TP53BP2: variants seen among roughly 807,000 people sequenced by gnomAD.
The protein encoded by TP53BP2 is tumor protein p53 binding protein 2.
Under a neutral mutation model 126.2 loss-of-function variants are expected in TP53BP2, and 62 were observed. That is an observed-to-expected ratio of 0.49 (90% CI 0.40 to 0.61). The LOEUF is 0.61. Ranked by LOEUF, TP53BP2 falls within the 20% of genes least tolerant of loss-of-function variation. The probability of loss-of-function intolerance (pLI) is 0.00; values close to 1 mark genes in which losing one functional copy is unlikely to be tolerated. For missense variants in TP53BP2, 1,215 were observed against 1,402.8 expected, an observed-to-expected ratio of 0.87 and a Z score of 2.14; for synonymous variants, 485 against 502.9, an observed-to-expected ratio of 0.96 and a Z score of 0.48.
chr1:223,809,804 A>G (rs1312316939), intron 4 of TP53BP2, among the ~76,000 whole-genome samples: 1 of 152,148 alleles, frequency 6.6e-6, no homozygotes, highest in Non-Finnish European at 1.5e-5. Flanking sequence ...ATTCACATGC[A>G]ATAGCGAGAG....
intron 16 of TP53BP2, among the ~76,000 whole-genome samples, chr1:223,786,306 G>A (rs1390447459): frequency 6.6e-6 from 1 of 152,168 alleles, no homozygotes; most frequent in African/African-American, 2.4e-5. Flanking sequence ...CCACATCAGG[G>A]AGGGGCATCC....
In TP53BP2 at chr1:223,780,167, T is replaced by C. The variant is rs1661721213; in HGVS notation, c.*686A>G. 6.6e-6 allele frequency: 1 copy of C among 152,186 alleles called. No individual in the cohort carries two copies. The highest frequency in any genetic ancestry group is 6.5e-5 in the Admixed American group (1 of 15,280). 9.4% of individuals were successfully genotyped at this position (152,186 alleles called of 1,614,324 possible). On this transcript the variant is annotated 3_prime_UTR_variant, in exon 18 of 18. Coordinates refer to ENST00000343537, the MANE Select transcript of TP53BP2 (RefSeq NM_001031685.3). The stretch of plus-strand genomic sequence containing the variant: ...ATATTACGGGTAAGTCTGTAGCAAG[T>C]TTCTAATTTCTGAGATACAAAAGAC...
intron 17 of TP53BP2, among the ~76,000 whole-genome samples, chr1:223,781,599 AG>A (rs1661780402): frequency 6.6e-6 from 1 of 152,268 alleles, no homozygotes; most frequent in Non-Finnish European, 1.5e-5. Flanking sequence ...CAAAGAAAGT[AG>A]AAGCATAGGC....
rs1571866370 is a variant in TP53BP2 at position 223,821,164 on chromosome 1, A to G, written c.175+56T>C. 11 of 1,610,490 alleles carry G rather than the reference A, an allele frequency of 6.8e-6. No individual in the cohort carries two copies. In the East Asian group the frequency reaches 1.3e-4, roughly 20 times the overall value. ...CATTCACACAGTGCCACGTCTACAA[A>G]CCAACATTAATAGAAGACAGAAGAA... On this transcript the variant is annotated intron_variant, in intron 2 of 17. Coordinates refer to ENST00000343537, the MANE Select transcript of TP53BP2 (RefSeq NM_001031685.3).
At chr1:223,789,642 G>C (rs1222120) in intron 15 of TP53BP2, among the ~76,000 whole-genome samples, 5 of 151,966 alleles carry the variant, frequency 3.3e-5, no homozygotes, top group African/African-American at 1.2e-4. Flanking sequence ...AAGTTGCATA[G>C]ATGAACTACT....
chr1:223,837,094 G>C (rs1213982530), intron 1 of TP53BP2, among the ~76,000 whole-genome samples: 1 of 136,038 alleles, frequency 7.4e-6, no homozygotes, highest in Non-Finnish European at 1.5e-5. Context: ...GATTTTCCTA[G>C]GTCACTCGCT....
At position 223,814,566 on chromosome 1, in the gene TP53BP2, G is replaced by A. The variant is rs143634045; in HGVS notation, c.176-213C>T. ...CAAGCCAGGGTGGAATACTACAAAAGGCAATGCATCTCAGCCAGCTGTCAG... is the reference window on the plus strand; with the variant it reads ...CAAGCCAGGGTGGAATACTACAAAAAGCAATGCATCTCAGCCAGCTGTCAG... On this transcript the variant is annotated intron_variant, in intron 2 of 17. Transcript: ENST00000343537. Among the ~76,000 whole-genome samples the A allele has an allele frequency of 1.7e-3, 252 of 152,200 alleles. 2 individuals are homozygous for A. Among genetic ancestry groups the A allele is most frequent in the African/African-American group, 5.0e-3 (207 of 41,518 alleles).
intron 1 of TP53BP2, 133 bp downstream of exon 1, chr1:223,845,521 G>C: frequency 1.9e-6 from 2 of 1,026,994 alleles, no homozygotes; most frequent in South Asian, 2.2e-5. Context: ...TCGAAGCTCG[G>C]AAAGCCCCGG....
chr1:223,814,481 T>C (rs1663018629), intron 2 of TP53BP2, 128 bp from the exon 3 acceptor site: 1 of 688,512 alleles, frequency 1.5e-6, no homozygotes, highest in South Asian at 1.9e-5. Flanking sequence ...CAGGTAAATT[T>C]TTTTCATTAA....
chr1:223,785,432 T>C (rs1030988966), intron 16 of TP53BP2, among the ~76,000 whole-genome samples: 3 of 152,236 alleles, frequency 2.0e-5, no homozygotes, highest in Non-Finnish European at 4.4e-5. Context: ...CAGACTCACA[T>C]GGTGATCAAA....
intron 1 of TP53BP2, among the ~76,000 whole-genome samples, chr1:223,833,579 C>T (rs1663817080): frequency 6.6e-6 from 1 of 152,044 alleles, no homozygotes; most frequent in African/African-American, 2.4e-5. Context: ...ATAAAGTAGC[C>T]TGCTGGTCAT....
At chr1:223,823,917 A>G (rs1663402211) in intron 1 of TP53BP2, among the ~76,000 whole-genome samples, 1 of 152,222 alleles carries the variant, frequency 6.6e-6, no homozygotes, top group South Asian at 2.1e-4. Flanking sequence ...CTGGAAATAC[A>G]GAGTATATGC....
chr1:223,818,555 T>G (rs1428521951), intron 2 of TP53BP2, among the ~76,000 whole-genome samples: 1 of 149,368 alleles, frequency 6.7e-6, no homozygotes, highest in Admixed American at 6.6e-5. Flanking sequence ...AGAACACATA[T>G]CGGTGTTATC....
chr1:223,815,024 TA>T (rs563540162), intron 2 of TP53BP2, among the ~76,000 whole-genome samples: 1 of 152,246 alleles, frequency 6.6e-6, no homozygotes, highest in African/African-American at 2.4e-5. Flanking sequence ...CAAGCTGTCC[TA>T]AAAAAATCTT....
At chr1:223,826,911 GA>G (rs1462510350) in intron 1 of TP53BP2, among the ~76,000 whole-genome samples, 2 of 152,180 alleles carry the variant, frequency 1.3e-5, no homozygotes, top group African/African-American at 4.8e-5. Flanking sequence ...ATTATTATTT[GA>G]AGATAGAGCC....
intron 9 of TP53BP2, among the ~76,000 whole-genome samples, chr1:223,801,444 G>A (rs1256618456): frequency 1.3e-5 from 2 of 152,016 alleles, no homozygotes; most frequent in African/African-American, 4.8e-5. Context: ...AGACAATACT[G>A]GCTATTACTT....
At chr1:223,838,110 A>T (rs1663983336) in intron 1 of TP53BP2, among the ~76,000 whole-genome samples, 1 of 152,150 alleles carries the variant, frequency 6.6e-6, no homozygotes. Context: ...TAGCCATCGC[A>T]GTCACATTAC....
chr1:223,787,604 T>C (rs915195126), intron 16 of TP53BP2, among the ~76,000 whole-genome samples: 1 of 151,892 alleles, frequency 6.6e-6, no homozygotes, highest in Non-Finnish European at 1.5e-5. Context: ...AGGTCAGGCA[T>C]GGTGGCTCAC....
intron 1 of TP53BP2, among the ~76,000 whole-genome samples, chr1:223,840,233 C>G (rs1302868144): frequency 6.6e-6 from 1 of 152,220 alleles, no homozygotes; most frequent in Admixed American, 6.5e-5. Context: ...AATGACCAAA[C>G]TTCTTGGCTT....
Sources: gnomAD v4.1 joint callset for allele counts (sites outside exome capture counted in the v4.1 genomes callset) on GRCh38, gnomAD v4.1.1 for gene constraint, MANE v1.5 for transcripts, NCBI Gene and HGNC (gene_info 2026-07-23, HGNC 2026-07-21) for gene names.